Variants in TIAM1 observed in about 807,000 individuals in gnomAD.
The protein encoded by TIAM1 is TIAM Rac1 associated GEF 1, also known as rho guanine nucleotide exchange factor TIAM1.
Under a neutral mutation model 163.5 loss-of-function variants are expected in TIAM1, and 65 were observed. That is an observed-to-expected ratio of 0.40 (90% CI 0.33 to 0.49). The LOEUF (loss-of-function observed/expected upper bound fraction) is 0.49, where lower values mean the gene tolerates loss of function less well. TIAM1 is among the 20% of genes least tolerant of loss of function. The pLI, the probability that TIAM1 is intolerant of heterozygous loss-of-function variation, is 0.77. For synonymous variants in TIAM1, 833 were observed against 810.1 expected (o/e 1.03, Z -0.48); for missense variants, 1,789 against 2,044.7 (o/e 0.87, Z 2.41).
At chr21:31,522,392 C>A (rs977261955) in intron 1 of TIAM1, among the ~76,000 whole-genome samples, 15 of 151,364 alleles carry the variant, frequency 9.9e-5, no homozygotes, top group African/African-American at 3.1e-4. Flanking sequence ...TGCCTGTAAT[C>A]CCAGCTACTC....
At chr21:31,190,016 C>T (rs2085477712) in intron 13 of TIAM1, among the ~76,000 whole-genome samples, 1 of 152,106 alleles carries the variant, frequency 6.6e-6, no homozygotes, top group Admixed American at 6.5e-5. Flanking sequence ...TATGTATCCA[C>T]CAACTGGAAG....
intron 25 of TIAM1, among the ~76,000 whole-genome samples, chr21:31,127,447 C>T (rs1326943218): frequency 6.9e-6 from 1 of 145,932 alleles, no homozygotes. Flanking sequence ...GAGATGGAGT[C>T]TCATTCTGTC....
intron 5 of TIAM1, among the ~76,000 whole-genome samples, chr21:31,245,872 C>G (rs189907614): frequency 3.3e-5 from 5 of 152,270 alleles, no homozygotes; most frequent in African/African-American, 1.2e-4. Context: ...TCAGCCTGCC[C>G]GGGTTTCCTT....
intron 1 of TIAM1, among the ~76,000 whole-genome samples, chr21:31,552,545 A>G (rs1474820832): frequency 6.6e-6 from 1 of 152,084 alleles, no homozygotes; most frequent in East Asian, 1.9e-4. Flanking sequence ...AGGCCGGGGC[A>G]GGCAGATCAC....
intron 20 of TIAM1, among the ~76,000 whole-genome samples, chr21:31,146,621 G>A (rs1304393499): frequency 6.7e-6 from 1 of 148,904 alleles, no homozygotes; most frequent in South Asian, 2.1e-4. Context: ...TGAGGCAGGA[G>A]AATCACTTGA....
chr21:31,491,066 G>A (rs1049502359), intron 1 of TIAM1, among the ~76,000 whole-genome samples: 3 of 152,230 alleles, frequency 2.0e-5, no homozygotes, highest in African/African-American at 7.2e-5. Context: ...GGGAGTCGGA[G>A]GTTGCCGTGA....
In TIAM1 at chr21:31,491,225, G is replaced by A. The variant is rs74793833; in HGVS notation, c.-421-27190C>T. ...AACCTGAGGACAGTGGAGTAGAAAA[G>A]TGGAAAGAACTCATGATTCTGATGC... On this transcript the variant is annotated intron_variant, in intron 1 of 28. Transcript: ENST00000286827. Among the ~76,000 whole-genome samples the A allele has an allele frequency of 1.1e-3, 173 of 152,328 alleles. 2 individuals carry two copies. The highest frequency in any genetic ancestry group is 4.0e-3 in the African/African-American group (168 of 41,570).
chr21:31,541,225 G>A (rs2048314858), intron 1 of TIAM1, among the ~76,000 whole-genome samples: 1 of 152,198 alleles, frequency 6.6e-6, no homozygotes, highest in South Asian at 2.1e-4. Flanking sequence ...GGGAGGCTGA[G>A]GCGGGCAGAT....
chr21:31,228,180 G>T (rs577070495), intron 6 of TIAM1, among the ~76,000 whole-genome samples: 1 of 98,936 alleles, frequency 1.0e-5, no homozygotes, highest in African/African-American at 5.1e-5. Flanking sequence ...CAAAGTGCTG[G>T]GATTACAGGT....
chr21:31,555,250 A>T (rs2048836815), intron 1 of TIAM1, among the ~76,000 whole-genome samples: 1 of 151,026 alleles, frequency 6.6e-6, no homozygotes. Flanking sequence ...AGATGAAAAG[A>T]CCTGAAGTTT....
intron 1 of TIAM1, among the ~76,000 whole-genome samples, chr21:31,503,088 T>A (rs2147451113): frequency 6.6e-6 from 1 of 152,222 alleles, no homozygotes; most frequent in South Asian, 2.1e-4. Flanking sequence ...CGCTATTGTG[T>A]CTCCCTTAGG....
chr21:31,512,431 A>G (rs968253116), intron 1 of TIAM1, among the ~76,000 whole-genome samples: 5 of 151,828 alleles, frequency 3.3e-5, no homozygotes, highest in Non-Finnish European at 7.4e-5. Flanking sequence ...TCACAACAGC[A>G]CTATATAAAT....
intron 2 of TIAM1, among the ~76,000 whole-genome samples, chr21:31,423,854 C>CGG (rs1244509919): frequency 3.2e-4 from 8 of 24,752 alleles, no homozygotes; most frequent in Non-Finnish European, 1.1e-3. Flanking sequence ...TAATGATTAT[C>CGG]GGGGGGGGCG....
At chr21:31,394,708 G>GCTCTCTCT (rs954246497) in intron 2 of TIAM1, among the ~76,000 whole-genome samples, 4,035 of 104,756 alleles carry the variant, frequency 0.039, 149 homozygotes, top group Middle Eastern at 0.046. Context: ...TCTCTCTCTC[G>GCTCTCTCT]CTCTCTCTCT....
At chr21:31,241,369 C>G (rs531009668) in intron 6 of TIAM1, among the ~76,000 whole-genome samples, 9 of 152,130 alleles carry the variant, frequency 5.9e-5, no homozygotes, top group Non-Finnish European at 1.2e-4. Flanking sequence ...AAGCTAGTTG[C>G]CTGAGTGTTG....
intron 6 of TIAM1, among the ~76,000 whole-genome samples, chr21:31,242,860 C>A (rs1395603120): frequency 4.0e-3 from 380 of 94,826 alleles, no homozygotes; most frequent in Middle Eastern, 0.012. Flanking sequence ...GACTCTGTCT[C>A]AAAAAAAAAA....
At chr21:31,401,085 T>C (rs988454219) in intron 2 of TIAM1, among the ~76,000 whole-genome samples, 2 of 152,030 alleles carry the variant, frequency 1.3e-5, no homozygotes, top group African/African-American at 4.8e-5. Context: ...AATGAATAAA[T>C]AAATAAATAA....
At chr21:31,232,971 C>CA (rs978834217) in intron 6 of TIAM1, among the ~76,000 whole-genome samples, 1 of 152,016 alleles carries the variant, frequency 6.6e-6, no homozygotes, top group Admixed American at 6.5e-5. Flanking sequence ...ATATAATCAG[C>CA]AAAAAAATGC....
chr21:31,393,849 G>A (rs2077008302), intron 2 of TIAM1, among the ~76,000 whole-genome samples: 2 of 152,092 alleles, frequency 1.3e-5, no homozygotes, highest in East Asian at 1.9e-4. Flanking sequence ...GCATTTCCAG[G>A]AGAGTTCCAA....
Sources: allele counts gnomAD v4.1 joint callset (sites outside exome capture counted in the v4.1 genomes callset), GRCh38; gene constraint gnomAD v4.1.1; transcripts MANE v1.5; gene names NCBI Gene and HGNC (gene_info 2026-07-23, HGNC 2026-07-21).